The following TOX variants were observed in gnomAD, a reference collection of about 807,000 sequenced individuals.
TOX encodes the protein thymocyte selection associated high mobility group box, also known as thymocyte selection-associated high mobility group box protein TOX.
A neutral mutation model predicts 53.7 loss-of-function variants in TOX; 11 were observed. That is an observed-to-expected ratio of 0.20 (90% CI 0.13 to 0.34). The LOEUF (loss-of-function observed/expected upper bound fraction) is 0.34, where lower values mean the gene tolerates loss of function less well. Ranked by LOEUF, TOX falls within the 10% of genes least tolerant of loss-of-function variation. The pLI is 1.00. For missense variants in TOX, 570 were observed against 664.6 expected (o/e 0.86, Z 1.56); for synonymous variants, 225 against 245.3 (o/e 0.92, Z 0.77).
intron 1 of TOX, among the ~76,000 whole-genome samples, chr8:59,079,874 G>C (rs1804368546): frequency 6.6e-6 from 1 of 152,182 alleles, no homozygotes; most frequent in South Asian, 2.1e-4. Flanking sequence ...CAGCCTCAGG[G>C]GCTTAGCCCT....
chr8:59,060,098 G>A (rs948783417), intron 1 of TOX, among the ~76,000 whole-genome samples: 3 of 151,946 alleles, frequency 2.0e-5, no homozygotes, highest in Middle Eastern at 3.4e-3. Context: ...ACGATTTCCC[G>A]TTTTATTAGG....
At chr8:58,878,803 G>A (rs1811330522) in intron 3 of TOX, among the ~76,000 whole-genome samples, 2 of 152,114 alleles carry the variant, frequency 1.3e-5, no homozygotes, top group African/African-American at 4.8e-5. Context: ...GTTGACACCT[G>A]TAATCCCAGC....
chr8:59,068,861 T>C (rs151058997), intron 1 of TOX, among the ~76,000 whole-genome samples: 1,740 of 152,166 alleles, frequency 0.011, 39 homozygotes, highest in African/African-American at 0.039. Context: ...AGAGGAAGCA[T>C]ATAGAGCTGA....
intron 1 of TOX, among the ~76,000 whole-genome samples, chr8:58,994,712 C>T (rs1813526289): frequency 6.6e-6 from 1 of 152,068 alleles, no homozygotes; most frequent in Non-Finnish European, 1.5e-5. Context: ...TGGCCTGAAA[C>T]TTGGTTGTTT....
At chr8:58,975,007 C>T (rs911690982) in intron 1 of TOX, among the ~76,000 whole-genome samples, 1 of 151,526 alleles carries the variant, frequency 6.6e-6, no homozygotes. Context: ...ATGTAATTCA[C>T]AGTATGCATT....
chr8:59,081,952 G>A (rs544397066), intron 1 of TOX, among the ~76,000 whole-genome samples: 10 of 152,128 alleles, frequency 6.6e-5, no homozygotes, highest in Admixed American at 2.6e-4. Context: ...AAAATGGATC[G>A]TTAAGTACTT....
intron 2 of TOX, among the ~76,000 whole-genome samples, chr8:58,943,828 G>C (rs1446714088): frequency 6.6e-6 from 1 of 152,048 alleles, no homozygotes; most frequent in Non-Finnish European, 1.5e-5. Context: ...AACCATGCGA[G>C]CTCCCTCTTC....
chr8:58,980,332 G>T (rs558881435), intron 1 of TOX, among the ~76,000 whole-genome samples: 2 of 152,030 alleles, frequency 1.3e-5, no homozygotes, highest in African/African-American at 4.8e-5. Flanking sequence ...TGTCTCCTGG[G>T]AGCTGCCGCT....
At chr8:58,885,876 C>G (rs1413446847) in intron 3 of TOX, among the ~76,000 whole-genome samples, 1 of 152,076 alleles carries the variant, frequency 6.6e-6, no homozygotes, top group Non-Finnish European at 1.5e-5. Context: ...TATCCTGAAA[C>G]TTCAATTAAA....
chr8:59,102,751 A>T (rs1335307212), intron 1 of TOX, among the ~76,000 whole-genome samples: 1 of 152,154 alleles, frequency 6.6e-6, no homozygotes, highest in Admixed American at 6.6e-5. Context: ...AAATAGTATC[A>T]ATCATCTTAC....
intron 3 of TOX, among the ~76,000 whole-genome samples, chr8:58,862,276 T>C (rs1232211183): frequency 6.6e-6 from 1 of 152,140 alleles, no homozygotes; most frequent in Non-Finnish European, 1.5e-5. Flanking sequence ...TTTAAAACAA[T>C]TACAAGATTC....
chr8:59,089,625 C>T (rs1472468198), intron 1 of TOX, among the ~76,000 whole-genome samples: 1 of 152,256 alleles, frequency 6.6e-6, no homozygotes, highest in African/African-American at 2.4e-5. Flanking sequence ...AGGTCTTGCT[C>T]TGTCACCTAG....
At chr8:58,947,919 CA>C (rs1399357025) in intron 2 of TOX, among the ~76,000 whole-genome samples, 2 of 152,230 alleles carry the variant, frequency 1.3e-5, no homozygotes, top group East Asian at 3.8e-4. Context: ...GGTTCAACAG[CA>C]AGGTCAGGCC....
rs557673398 is a variant in TOX, at chr8:59,111,330, C to G, written c.102+7556G>C. ...TTAGTCTTATTAGGATATAACATGT[C>G]TGTTTAAAGCCCTAAGATTCTCAAC... On this transcript the variant is annotated intron_variant, in intron 1 of 8. Coordinates refer to ENST00000361421, the MANE Select transcript of TOX (RefSeq NM_014729.3). Among the ~76,000 whole-genome samples the G allele has an allele frequency of 4.6e-5, 7 of 152,220 alleles. No homozygotes were observed. In the South Asian group the frequency reaches 1.5e-3, roughly 32 times the overall value.
In TOX at chr8:58,851,824, TAAATAAA is replaced by T. The variant is rs1563370138; in HGVS notation, c.412-26_412-20del. 7 of 1,269,160 alleles carry T rather than the reference TAAATAAA, an allele frequency of 5.5e-6. No homozygotes were observed. The highest frequency in any genetic ancestry group is 3.5e-5 in the Admixed American group (1 of 28,340). 78.6% of individuals were successfully genotyped at this position (1,269,160 alleles called of 1,614,324 possible). On this transcript the variant is annotated intron_variant, in intron 3 of 8. Transcript: ENST00000361421. The surrounding 1 kb of genome is among the most constrained non-coding windows in gnomAD (Gnocchi z 4.4). ...CTGGCATCTACAATAAATAAATAAA[TAAATAAA>T]TAAATAAATAAATAAATAGGAAAGG... is the stretch of plus-strand genomic sequence containing the variant.
At chr8:58,913,001 A>T (rs1364119441) in intron 3 of TOX, among the ~76,000 whole-genome samples, 1 of 152,194 alleles carries the variant, frequency 6.6e-6, no homozygotes, top group Non-Finnish European at 1.5e-5. Flanking sequence ...CTAACAAATG[A>T]AGTTCAAATG....
intron 1 of TOX, among the ~76,000 whole-genome samples, chr8:58,998,567 A>AT (rs1813623800): frequency 7.4e-6 from 1 of 134,368 alleles, no homozygotes; most frequent in Non-Finnish European, 1.6e-5. Context: ...TTTATGTAAT[A>AT]AATGTATATA....
intron 1 of TOX, among the ~76,000 whole-genome samples, chr8:58,976,390 G>T (rs1185547218): frequency 6.6e-6 from 1 of 152,200 alleles, no homozygotes; most frequent in African/African-American, 2.4e-5. Context: ...TCAGTCGCAT[G>T]TTTAGGCTCT....
At chr8:58,846,503 C>A (rs541095056) in intron 4 of TOX, among the ~76,000 whole-genome samples, 1 of 152,124 alleles carries the variant, frequency 6.6e-6, no homozygotes, top group Admixed American at 6.5e-5. Context: ...TTCCAGGAGT[C>A]TTCTTGTCTT....
Sources: gnomAD v4.1 joint callset for allele counts (sites outside exome capture counted in the v4.1 genomes callset) on GRCh38, gnomAD v4.1.1 for gene constraint, Gnocchi (gnomAD v3.1) non-coding constraint, MANE v1.5 for transcripts, NCBI Gene and HGNC (gene_info 2026-07-23, HGNC 2026-07-21) for gene names.